The following SGCD variants were observed in gnomAD, a reference collection of about 807,000 sequenced individuals.
SGCD encodes the protein delta-sarcoglycan.
A neutral mutation model predicts 36.6 loss-of-function variants in SGCD; 18 were observed. The observed-to-expected ratio is 0.49, with a 90% CI of 0.34 to 0.73. The LOEUF is 0.73. Among genes scored for constraint, SGCD ranks in the 30% least tolerant of loss-of-function variants. The probability of loss-of-function intolerance (pLI) is 0.01; values close to 1 mark genes in which losing one functional copy is unlikely to be tolerated. For missense variants in SGCD, 387 were observed against 346.7 expected (o/e 1.12, Z -0.92); for synonymous variants, 133 against 130.6 (o/e 1.02, Z -0.12).
intron 3 of SGCD, among the ~76,000 whole-genome samples, chr5:156,486,112 A>G (rs975007409): frequency 3.3e-5 from 5 of 152,032 alleles, no homozygotes; most frequent in African/African-American, 1.2e-4. Context: ...TCAGCAGACT[A>G]TATCCTGCCC....
intron 4 of SGCD, among the ~76,000 whole-genome samples, chr5:156,525,459 A>G (rs1443422995): frequency 2.0e-5 from 3 of 151,918 alleles, no homozygotes; most frequent in Non-Finnish European, 2.9e-5. Flanking sequence ...AGTTCTTTAT[A>G]TAGTTTTATT....
At chr5:155,838,775 CA>C in the SGCD span, among the ~76,000 whole-genome samples, 45,660 of 118,040 alleles carry the variant, frequency 0.39, 6,074 homozygotes, top group East Asian at 0.47. Flanking sequence ...AAGAGATTTG[CA>C]AAAAAAAAAA....
At chr5:155,782,465 C>T in the SGCD span, among the ~76,000 whole-genome samples, 1 of 152,106 alleles carries the variant, frequency 6.6e-6, no homozygotes, top group Non-Finnish European at 1.5e-5. Context: ...CCTAAACCTC[C>T]TTTAGAAAGA....
chr5:156,667,336 C>T (rs969220666), intron 7 of SGCD, among the ~76,000 whole-genome samples: 6 of 152,116 alleles, frequency 3.9e-5, no homozygotes, highest in Non-Finnish European at 7.4e-5. Context: ...GGCAGTATGA[C>T]TGATACCATT....
intron 1 of SGCD, among the ~76,000 whole-genome samples, chr5:156,107,211 C>T (rs1761670393): frequency 6.6e-6 from 1 of 152,154 alleles, no homozygotes; most frequent in Admixed American, 6.5e-5. Context: ...TTCTAATCCT[C>T]ATTTTAGGAA....
chr5:156,688,049 G>T (rs1265894223), intron 7 of SGCD, among the ~76,000 whole-genome samples: 1 of 152,108 alleles, frequency 6.6e-6, no homozygotes, highest in African/African-American at 2.4e-5. Context: ...CTTCAGCTTT[G>T]AGTTGTCTTG....
At chr5:156,084,942 T>C (rs1761057942) in intron 1 of SGCD, among the ~76,000 whole-genome samples, 1 of 152,244 alleles carries the variant, frequency 6.6e-6, no homozygotes, top group South Asian at 2.1e-4. Context: ...TCAATTGGTA[T>C]TATCAAATGA....
intron 1 of SGCD, among the ~76,000 whole-genome samples, chr5:156,016,215 T>C (rs1758974780): frequency 6.6e-6 from 1 of 151,582 alleles, no homozygotes; most frequent in Non-Finnish European, 1.5e-5. Flanking sequence ...ACAAGCCTTC[T>C]TTTAAAAAGT....
intron 1 of SGCD, among the ~76,000 whole-genome samples, chr5:155,882,822 A>G (rs1755918372): frequency 6.6e-6 from 1 of 152,174 alleles, no homozygotes; most frequent in South Asian, 2.1e-4. Context: ...TACCAGTGGC[A>G]TTAGCTCCTA....
chr5:156,406,823 C>CT (rs1772454246), intron 3 of SGCD, among the ~76,000 whole-genome samples: 1 of 76,376 alleles, frequency 1.3e-5, no homozygotes, highest in Non-Finnish European at 2.5e-5. Flanking sequence ...TATATATACA[C>CT]ACACACACAC....
At chr5:155,935,741 C>T (rs1757180051) in intron 1 of SGCD, among the ~76,000 whole-genome samples, 1 of 152,186 alleles carries the variant, frequency 6.6e-6, no homozygotes, top group Non-Finnish European at 1.5e-5. Flanking sequence ...AGCTGGAAAC[C>T]TCTGTGGCCA....
chr5:156,059,970 G>T (rs1366412245), intron 1 of SGCD, among the ~76,000 whole-genome samples: 1 of 146,418 alleles, frequency 6.8e-6, no homozygotes, highest in Non-Finnish European at 1.5e-5. Flanking sequence ...TCCATCAGTT[G>T]TCTTTATATC....
At chr5:156,273,603 AATC>A (rs1766237930) in intron 3 of SGCD, among the ~76,000 whole-genome samples, 1 of 152,176 alleles carries the variant, frequency 6.6e-6, no homozygotes, top group Admixed American at 6.5e-5. Flanking sequence ...GCAAGAGTCT[AATC>A]ATCTAGAAGA....
chr5:156,178,485 C>A (rs1277228502), intron 3 of SGCD, among the ~76,000 whole-genome samples: 1 of 152,164 alleles, frequency 6.6e-6, no homozygotes, highest in African/African-American at 2.4e-5. Context: ...AGTTATGAGT[C>A]TTTATACATA....
At chr5:156,556,417 T>G (rs545693450) in intron 4 of SGCD, among the ~76,000 whole-genome samples, 11 of 152,298 alleles carry the variant, frequency 7.2e-5, no homozygotes, top group African/African-American at 2.6e-4. Context: ...GCTACTCTTC[T>G]ATTATTTTCC....
intron 7 of SGCD, among the ~76,000 whole-genome samples, chr5:156,741,140 G>T (rs1269138946): frequency 6.6e-6 from 1 of 152,098 alleles, no homozygotes; most frequent in Non-Finnish European, 1.5e-5. Flanking sequence ...AAAAGCCATT[G>T]TCTCCATTCT....
intron 1 of SGCD, among the ~76,000 whole-genome samples, chr5:156,014,396 T>A (rs2127571600): frequency 6.6e-6 from 1 of 152,296 alleles, no homozygotes; most frequent in Non-Finnish European, 1.5e-5. Flanking sequence ...TTAACCTTAT[T>A]AAACATTTGC....
chr5:155,815,349 C>G, the SGCD span, among the ~76,000 whole-genome samples: 1 of 152,116 alleles, frequency 6.6e-6, no homozygotes, highest in South Asian at 2.1e-4. Flanking sequence ...CAAAAGATCT[C>G]TGTGGAATAT....
intron 3 of SGCD, among the ~76,000 whole-genome samples, chr5:156,364,386 G>A (rs879294666): frequency 6.0e-5 from 9 of 150,940 alleles, no homozygotes; most frequent in South Asian, 2.1e-4. Context: ...TTTTTAATGC[G>A]CAATGAAATC....
Sources: gnomAD v4.1 joint callset for allele counts (sites outside exome capture counted in the v4.1 genomes callset) on GRCh38, gnomAD v4.1.1 for gene constraint, MANE v1.5 for transcripts, NCBI Gene and HGNC (gene_info 2026-07-23, HGNC 2026-07-21) for gene names.